Variants in RHBDF1 observed in about 807,000 individuals in gnomAD.
RHBDF1 encodes the protein inactive rhomboid protein 1.
A neutral mutation model predicts 98.6 loss-of-function variants in RHBDF1; 80 were observed. That is an observed-to-expected ratio of 0.81 (90% CI 0.68 to 0.98). The LOEUF (loss-of-function observed/expected upper bound fraction) is 0.98, where lower values mean the gene tolerates loss of function less well. Among genes scored for constraint, RHBDF1 ranks in the 50% least tolerant of loss-of-function variants. The pLI is 0.00. For synonymous variants in RHBDF1, 512 were observed against 486.8 expected (o/e 1.05, Z -0.68); for missense variants, 1,116 against 1,198.3 (o/e 0.93, Z 1.01).
intron 3 of RHBDF1, chr16:64,212 C>G: frequency 7.6e-7 from 1 of 1,309,520 alleles, no homozygotes; most frequent in Non-Finnish European, 1.0e-6. Context: ...CAAACAAAAA[C>G]ACTGCCAGCA....
At chr16:58,876 A>G in intron 17 of RHBDF1, 98 bp downstream of exon 17, 1 of 1,559,798 alleles carries the variant, frequency 6.4e-7, no homozygotes, top group Non-Finnish European at 8.7e-7. Flanking sequence ...CCGAGGATCC[A>G]ACTGGAGATG....
In RHBDF1 at chr16:72,556, G is replaced by T; in HGVS notation, c.-68C>A. The T allele has an allele frequency of 1.2e-6, 1 of 830,990 alleles. No individual in the cohort carries two copies. Among genetic ancestry groups the T allele is most frequent in the Non-Finnish European group, 1.3e-6 (1 of 759,738 alleles). The allele number at this position is 830,990 out of a possible 1,614,324, so 51.5% of individuals were successfully genotyped here. ...TGGGGGGTCCTGAGGGCGCCGGGGA[G>T]GAGGCTGCCGCCGCTGGCCGGGAGG... On this transcript the variant is annotated 5_prime_UTR_variant, in exon 1 of 18. Coordinates refer to ENST00000262316, the MANE Select transcript of RHBDF1 (RefSeq NM_022450.5).
intron 11 of RHBDF1, 61 bp from the exon 12 acceptor site, chr16:60,600 G>C: frequency 7.6e-7 from 1 of 1,312,712 alleles, no homozygotes; most frequent in East Asian, 2.3e-5. Context: ...GGCACGCAGG[G>C]AGTCAGGAGT....
chr16:61,177 G>A lies in RHBDF1; in HGVS notation c.1500C>T (p.Ala500=). The change falls in exon 11 of 18, where the codon GCC becomes GCT. Residue 500 remains alanine, a synonymous_variant. Coordinates refer to ENST00000262316, the MANE Select transcript of RHBDF1 (RefSeq NM_022450.5). The part of the protein sequence containing the change: ...RSAREREKHS[A]CCVRNDRSGC... ...CCGACCTGTCGTTGCGCACGCAGCA[G>A]GCGGAGTGCTTCTCGCGCTCGCGCG... 5 of 1,541,512 alleles carry A rather than the reference G, an allele frequency of 3.2e-6. No individual in the cohort carries two copies. The highest frequency in any genetic ancestry group is 4.4e-6 in the Non-Finnish European group (5 of 1,145,452).
At chr16:70,105 G>A (rs1470670214) in intron 1 of RHBDF1, among the ~76,000 whole-genome samples, 1 of 152,164 alleles carries the variant, frequency 6.6e-6, no homozygotes, top group Non-Finnish European at 1.5e-5. Flanking sequence ...GACAGGGGCT[G>A]ACATGGCAGA....
rs201706583 is a variant in RHBDF1 at position 60,484 on chromosome 16, G to T, written c.1613C>A (p.Ala538Glu). The change falls in exon 12 of 18, where the codon GCG becomes GAG. Residue 538 changes from alanine to glutamate, a missense_variant. By Grantham distance (107) the Ala-to-Glu change is moderately radical. Coordinates refer to ENST00000262316, the MANE Select transcript of RHBDF1 (RefSeq NM_022450.5). ...WPIHPSAPEL[A>E]GHKRQFGSVC... ...AGAGCCAAACTGTCTCTTGTGGCCC[G>T]CAAGCTCTGGGGCGCTGGGATGGAT... 4 of 1,611,616 alleles carry T rather than the reference G, an allele frequency of 2.5e-6. No homozygotes were observed. The highest frequency in any genetic ancestry group is 3.3e-5 in the Admixed American group (2 of 59,990).
At chr16:73,863 T>C, upstream of RHBDF1, 1 of 890,328 alleles carries the variant, frequency 1.1e-6, no homozygotes, top group Non-Finnish European at 1.3e-6. Flanking sequence ...AATGGCCTGC[T>C]CCTTGGCTAG....
In RHBDF1 at chr16:60,216, C is replaced by T. The variant is rs1470246766; in HGVS notation, c.1722G>A (p.Pro574=). 5 of 1,614,032 alleles carry T rather than the reference C, an allele frequency of 3.1e-6. No homozygotes were observed. Among genetic ancestry groups the T allele is most frequent in the East Asian group, 2.2e-5 (1 of 44,870 alleles). The change falls in exon 13 of 18, where the codon CCG becomes CCA. Residue 574 remains proline (P), a splice_region_variant and synonymous_variant. Transcript: ENST00000262316. ...HEWPEDITKW[P]ICTKNSAGNH... is the part of the protein sequence containing the mutation. ...TAACAACCCCCCCACTGCAGCTCACCGGCCACTTGGTGATGTCTTCTGGCC... is the reference window on the plus strand; with the variant it reads ...TAACAACCCCCCCACTGCAGCTCACTGGCCACTTGGTGATGTCTTCTGGCC...
chr16:67,793 C>T (rs552059151), intron 1 of RHBDF1, among the ~76,000 whole-genome samples: 11 of 152,342 alleles, frequency 7.2e-5, no homozygotes, highest in African/African-American at 2.2e-4. Context: ...CACTGAACAA[C>T]GCAGGCCATC....
At position 59,743 on chromosome 16, in the gene RHBDF1, G is replaced by A. The variant is rs764211567; in HGVS notation, c.1806C>T (p.Gly602=). Residue 602 remains glycine, a synonymous_variant, in exon 14 of 18, where the codon GGC becomes GGT. Coordinates refer to ENST00000262316, the MANE Select transcript of RHBDF1 (RefSeq NM_022450.5). ...CVITGRPCCI[G]TKGRCEITSR... is the part of the protein sequence containing the mutation. ...GCACGCACACGTACCTGCCCTTGGTGCCAATGCAGCAGGGCCGTCCTGTGA... is the reference window on the plus strand; with the variant it reads ...GCACGCACACGTACCTGCCCTTGGTACCAATGCAGCAGGGCCGTCCTGTGA... 1.2e-6 allele frequency: 2 copies of A among 1,614,068 alleles called. No homozygotes were observed. Among genetic ancestry groups the A allele is most frequent in the East Asian group, 2.2e-5 (1 of 44,892 alleles).
intron 3 of RHBDF1, 47 bp from the exon 4 acceptor site, chr16:63,847 A>G: frequency 6.5e-7 from 1 of 1,544,240 alleles, no homozygotes; most frequent in Non-Finnish European, 8.9e-7. Context: ...CGCCCCTCCC[A>G]GGCAGGGGAC....
At position 58,643 on chromosome 16, in the gene RHBDF1, C is replaced by T. The variant is rs199611485; in HGVS notation, c.2265G>A (p.Val755=). Residue 755 remains valine, a synonymous_variant, in exon 18 of 18, where the codon GTG becomes GTA. Transcript: ENST00000262316. ...GCAGCCCAAAGGTGAAGAGGAAGAG[C>T]ACCACAGCCAGCAGCTTGAAGAAGG... ...WRAFFKLLAV[V]LFLFTFGLLP... is the part of the protein sequence containing the mutation. 30 of 1,613,324 alleles carry T rather than the reference C, an allele frequency of 1.9e-5. No individual in the cohort carries two copies. In the South Asian group the frequency reaches 2.6e-4, roughly 14 times the overall value.
At chr16:70,794 G>C (rs1247052310) in intron 1 of RHBDF1, among the ~76,000 whole-genome samples, 1 of 152,210 alleles carries the variant, frequency 6.6e-6, no homozygotes, top group Non-Finnish European at 1.5e-5. Context: ...AGACCACCTG[G>C]GTTCTTCAGC....
chr16:64,294 C>A (rs569964429), intron 3 of RHBDF1: 2 of 1,335,946 alleles, frequency 1.5e-6, no homozygotes, highest in East Asian at 1.0e-4. Context: ...CAAGCACATG[C>A]CAGAAAACAC....
Position 58,709 on chromosome 16 carries a change from C to G in RHBDF1, c.2199G>C (p.Glu733Asp), listed in dbSNP as rs1204995147. The G allele has an allele frequency of 1.1e-5, 18 of 1,613,006 alleles. No individual in the cohort carries two copies. The highest frequency in any genetic ancestry group is 1.5e-5 in the Non-Finnish European group (18 of 1,179,892). Residue 733 changes from glutamate to aspartate, a missense_variant, in exon 18 of 18, where the codon GAG becomes GAC. Glu to Asp is a conservative substitution (Grantham distance 45). Transcript: ENST00000262316. ...QFGILACLFVELFQSWQILAR... is the reference protein window; with the variant it reads ...QFGILACLFVDLFQSWQILAR... ...CCAGGATCTGCCAGCTCTGGAAGAG[C>G]TCCACGAAGAGGCAGGCCAGGATGC...
upstream of RHBDF1, chr16:75,097 T>G (rs553604469): frequency 1.3e-5 from 2 of 152,498 alleles, no homozygotes; most frequent in African/African-American, 4.8e-5. Flanking sequence ...CTGCCTGCCC[T>G]ACTACTCTCT....
upstream of RHBDF1, chr16:72,661 G>A (rs1898010252): frequency 1.0e-6 from 1 of 980,356 alleles, no homozygotes; most frequent in African/African-American, 1.8e-5. Flanking sequence ...GCCCGGGGGC[G>A]GGCCCGGCCG....
chr16:66,995 G>A (rs921900942), intron 1 of RHBDF1, among the ~76,000 whole-genome samples: 5 of 152,182 alleles, frequency 3.3e-5, no homozygotes, highest in Non-Finnish European at 5.9e-5. Context: ...CCAGACCTGC[G>A]TGTCCTGGAT....
intron 1 of RHBDF1, 118 bp downstream of exon 1, chr16:72,366 TCCCCGGCCCCGGCCCCGGCCCCGACACGG>T: frequency 3.9e-6 from 1 of 256,192 alleles, no homozygotes; most frequent in Non-Finnish European, 6.1e-6. Flanking sequence ...CCGCGACCCC[TCCCCGGCCCCGGCCCCGGCCCCGACACGG>T]CCCCGGCCGC....
Sources: allele counts gnomAD v4.1 joint callset (sites outside exome capture counted in the v4.1 genomes callset), GRCh38; gene constraint gnomAD v4.1.1; transcripts MANE v1.5; gene names NCBI Gene and HGNC (gene_info 2026-07-23, HGNC 2026-07-21).